The following AP3B1 variants were observed in gnomAD, a reference collection of about 807,000 sequenced individuals.
The protein encoded by AP3B1 is adaptor related protein complex 3 subunit beta 1.
In AP3B1, 61 loss-of-function variants were observed where a neutral mutation model predicts 132.5. The observed-to-expected ratio is 0.46, with a 90% CI of 0.37 to 0.57. The LOEUF (loss-of-function observed/expected upper bound fraction) is 0.57, where lower values mean the gene tolerates loss of function less well. Among genes scored for constraint, AP3B1 ranks in the 20% least tolerant of loss-of-function variants. The probability of loss-of-function intolerance (pLI) is 0.00; values close to 1 mark genes in which losing one functional copy is unlikely to be tolerated. For synonymous variants in AP3B1, 388 were observed against 438.3 expected, an observed-to-expected ratio of 0.89 and a Z score of 1.43; for missense variants, 1,120 against 1,289.4, an observed-to-expected ratio of 0.87 and a Z score of 2.01.
Position 78,294,411 on chromosome 5 carries a change from C to T in AP3B1, c.128+41G>A, listed in dbSNP as rs781237897. ...GGCGCCCACTCCTCCGAGTCCGCAG[C>T]TCCTCCCTCCCATCCCCGCAACCCA... On this transcript the variant is annotated intron_variant, in intron 1 of 26. Transcript: ENST00000255194. 2.5e-5 allele frequency: 41 copies of T among 1,613,332 alleles called. 4 individuals carry two copies. The South Asian group carries it at 4.4e-4, about 17-fold the overall frequency.
At chr5:78,020,951 A>G (rs1747066441) in intron 24 of AP3B1, among the ~76,000 whole-genome samples, 162 bp from the exon 25 acceptor site, 1 of 152,142 alleles carries the variant, frequency 6.6e-6, no homozygotes, top group Admixed American at 6.5e-5. Context: ...TTCCCAAACA[A>G]ACAACATTAC....
At chr5:78,088,708 CAGG>C (rs1343305541) in intron 22 of AP3B1, among the ~76,000 whole-genome samples, 4 of 152,262 alleles carry the variant, frequency 2.6e-5, no homozygotes, top group Admixed American at 2.0e-4. Context: ...AACAAATTAA[CAGG>C]AGGTCAAGCA....
chr5:78,129,987 T>A (rs1401593468), intron 15 of AP3B1, among the ~76,000 whole-genome samples: 2 of 152,100 alleles, frequency 1.3e-5, no homozygotes, highest in Non-Finnish European at 2.9e-5. Flanking sequence ...TCTAGTAATA[T>A]TGGTCATTTA....
intron 14 of AP3B1, among the ~76,000 whole-genome samples, chr5:78,142,914 A>G (rs1238054618): frequency 1.3e-5 from 2 of 152,118 alleles, no homozygotes; most frequent in African/African-American, 2.4e-5. Context: ...CAAAGGTTAC[A>G]CTGCATTAAG....
intron 7 of AP3B1, among the ~76,000 whole-genome samples, chr5:78,206,968 A>C (rs1436667043): frequency 6.6e-6 from 1 of 152,136 alleles, no homozygotes; most frequent in Non-Finnish European, 1.5e-5. Flanking sequence ...TAAAAAATAC[A>C]AAAATTAGGC....
intron 11 of AP3B1, 92 bp from the exon 12 acceptor site, chr5:78,165,764 CT>C: frequency 1.0e-6 from 1 of 952,736 alleles, no homozygotes; most frequent in Non-Finnish European, 1.7e-6. Context: ...AAGTTTATTT[CT>C]ACTTTTAAAA....
At chr5:78,117,257 A>G (rs1253462085) in intron 17 of AP3B1, among the ~76,000 whole-genome samples, 3 of 139,742 alleles carry the variant, frequency 2.1e-5, no homozygotes, top group African/African-American at 8.2e-5. Context: ...CTGTTGGTCT[A>G]TCCCTGGTAG....
chr5:78,028,132 C>CA (rs1163917019), intron 24 of AP3B1, among the ~76,000 whole-genome samples: 25 of 149,724 alleles, frequency 1.7e-4, no homozygotes, highest in East Asian at 1.2e-3. Flanking sequence ...CTCAAAACAA[C>CA]AAAAAAAAAG....
chr5:78,018,922 G>T (rs957309089), intron 25 of AP3B1, among the ~76,000 whole-genome samples: 1 of 152,108 alleles, frequency 6.6e-6, no homozygotes, highest in East Asian at 1.9e-4. Context: ...TAACTAAAAA[G>T]ATGCTATTGA....
At chr5:78,007,006 A>C (rs1299209393) in intron 26 of AP3B1, among the ~76,000 whole-genome samples, 1 of 152,234 alleles carries the variant, frequency 6.6e-6, no homozygotes, top group East Asian at 1.9e-4. Flanking sequence ...CATAATTATA[A>C]AAACAGACCA....
intron 2 of AP3B1, among the ~76,000 whole-genome samples, chr5:78,263,562 T>C (rs1323687353): frequency 6.6e-6 from 1 of 152,242 alleles, no homozygotes; most frequent in Non-Finnish European, 1.5e-5. Context: ...GCAAGCATCC[T>C]TGTTTCTGAC....
intron 26 of AP3B1, among the ~76,000 whole-genome samples, chr5:78,014,118 G>A (rs1266993915): frequency 1.3e-5 from 2 of 151,998 alleles, no homozygotes; most frequent in African/African-American, 2.4e-5. Context: ...AGCCGAGATC[G>A]CGCCACTGCG....
intron 7 of AP3B1, among the ~76,000 whole-genome samples, chr5:78,182,294 G>GT (rs1366516989): frequency 6.6e-6 from 1 of 152,346 alleles, no homozygotes; most frequent in East Asian, 1.9e-4. Context: ...AACAAACACA[G>GT]TAATAGCCAC....
intron 17 of AP3B1, chr5:78,121,709 T>C (rs1752208577): frequency 6.6e-6 from 1 of 152,344 alleles, no homozygotes; most frequent in Admixed American, 6.5e-5. Context: ...ATCAGTAGCT[T>C]ACCAACCAAA....
intron 24 of AP3B1, among the ~76,000 whole-genome samples, chr5:78,024,201 TAGA>T (rs1329989345): frequency 4.6e-5 from 7 of 152,028 alleles, no homozygotes; most frequent in East Asian, 3.9e-4. Flanking sequence ...GGTGAAGGAC[TAGA>T]AGAAGATGTA....
intron 1 of AP3B1, among the ~76,000 whole-genome samples, chr5:78,282,848 C>CAA (rs70997985): frequency 1.4e-3 from 182 of 129,356 alleles, no homozygotes; most frequent in African/African-American, 3.7e-3. Context: ...TTGTCTCTAC[C>CAA]AAAAAAAAAA....
chr5:78,097,269 C>T (rs1320804636), intron 21 of AP3B1, among the ~76,000 whole-genome samples: 3 of 102,302 alleles, frequency 2.9e-5, no homozygotes, highest in African/African-American at 3.6e-5. Context: ...CCAGCCACCC[C>T]GTCCGGGAGG....
chr5:78,284,524 T>A (rs773307143), intron 1 of AP3B1, among the ~76,000 whole-genome samples: 1 of 152,218 alleles, frequency 6.6e-6, no homozygotes, highest in Non-Finnish European at 1.5e-5. Context: ...AAAAGGACTA[T>A]CATTTTAAGA....
intron 2 of AP3B1, among the ~76,000 whole-genome samples, chr5:78,248,410 T>C (rs1231296702): frequency 6.9e-6 from 1 of 145,486 alleles, no homozygotes; most frequent in Non-Finnish European, 1.5e-5. Flanking sequence ...GAAGAATCAC[T>C]TGAACCCAGG....
Sources: gnomAD v4.1 joint callset for allele counts (sites outside exome capture counted in the v4.1 genomes callset) on GRCh38, gnomAD v4.1.1 for gene constraint, MANE v1.5 for transcripts, NCBI Gene and HGNC (gene_info 2026-07-23, HGNC 2026-07-21) for gene names.